The following NTM variants were observed in gnomAD, a reference collection of about 807,000 sequenced individuals.
NTM encodes the protein neurotrimin.
NTM carries 13 observed loss-of-function variants against 42.1 expected under a neutral mutation model. That is an observed-to-expected ratio of 0.31 (90% CI 0.20 to 0.49). The LOEUF is 0.49. Ranked by LOEUF, NTM falls within the 20% of genes least tolerant of loss-of-function variation. NTM has a pLI of 0.99. For synonymous variants in NTM, 187 were observed against 179.2 expected (o/e 1.04, Z -0.35); for missense variants, 373 against 452.8 (o/e 0.82, Z 1.60).
At position 132,296,341 on chromosome 11, in the gene NTM, TG is replaced by T. The variant is rs527596721; in HGVS notation, c.527-11345del. On this transcript the variant is annotated intron_variant, in intron 4 of 8. Transcript: ENST00000683400. ...GGAGGGGGTAGAAGTAGTAGAGGAG[TG>T]GGCCTTATGTGATGCTGTTATTTAG... is the stretch of plus-strand genomic sequence containing the variant. Among the ~76,000 whole-genome samples, 37 of 151,938 alleles carry T rather than the reference TG, an allele frequency of 2.4e-4. 2 individuals are homozygous for T. In the South Asian group the frequency reaches 5.2e-3, roughly 21 times the overall value.
chr11:131,422,306 AC>A (rs1162777789), intron 1 of NTM, among the ~76,000 whole-genome samples: 1 of 152,164 alleles, frequency 6.6e-6, no homozygotes, highest in Non-Finnish European at 1.5e-5. Flanking sequence ...ATTCTCCATC[AC>A]ACCCTTGCCG....
intron 2 of NTM, among the ~76,000 whole-genome samples, chr11:131,983,906 A>T (rs1470313556): frequency 6.6e-6 from 1 of 152,224 alleles, no homozygotes; most frequent in Non-Finnish European, 1.5e-5. Flanking sequence ...AAGAGGACAG[A>T]ATATAGAAGA....
chr11:132,115,610 T>C (rs1033260178), intron 2 of NTM, among the ~76,000 whole-genome samples: 2 of 152,184 alleles, frequency 1.3e-5, no homozygotes, highest in African/African-American at 4.8e-5. Context: ...TCAGCCGTAG[T>C]CTGGATGGTG....
At chr11:131,945,843 G>A (rs2060280921) in intron 2 of NTM, among the ~76,000 whole-genome samples, 2 of 152,152 alleles carry the variant, frequency 1.3e-5, no homozygotes, top group South Asian at 4.1e-4. Context: ...GGAGACACAA[G>A]TATTAAAATG....
At chr11:131,944,889 G>C (rs1362819807) in intron 2 of NTM, among the ~76,000 whole-genome samples, 1 of 152,128 alleles carries the variant, frequency 6.6e-6, no homozygotes, top group African/African-American at 2.4e-5. Context: ...GATTAGTTCA[G>C]TTTGGAATCA....
At position 131,782,074 on chromosome 11, in the gene NTM, A is replaced by C. The variant is rs568421325; in HGVS notation, c.83-129490A>C. Among the ~76,000 whole-genome samples the C allele has an allele frequency of 8.5e-5, 13 of 152,326 alleles. No homozygotes were observed. The South Asian group carries it at 2.7e-3, about 32-fold the overall frequency. ...TATTGAGCAAGTGGGACATTCAGTGAAGACAAAAGAAGGGTTATAATACAG... is the reference window on the plus strand; with the variant it reads ...TATTGAGCAAGTGGGACATTCAGTGCAGACAAAAGAAGGGTTATAATACAG... On this transcript the variant is annotated intron_variant, in intron 1 of 8. Transcript: ENST00000683400.
chr11:131,789,640 AAGAAG>A lies in NTM; in HGVS notation c.83-121922_83-121918del, dbSNP rs2090501476. ...AGAAGAAGAAGAAGAAGAAGAAAAG[AAGAAG>A]AAGAAGAAGAAGAAGAAGAAGAAAG... On this transcript the variant is annotated intron_variant, in intron 1 of 8. Coordinates refer to ENST00000683400, the MANE Select transcript of NTM (RefSeq NM_001352005.2). Among the ~76,000 whole-genome samples the A allele has an allele frequency of 1.0e-4, 12 of 117,422 alleles. 1 individual carries two copies. Among genetic ancestry groups the A allele is most frequent in the African/African-American group, 2.6e-4 (8 of 30,354 alleles). The allele number at this position is 117,422 out of a possible 152,430, so 77.0% of individuals were successfully genotyped here.
chr11:131,915,787 C>T (rs1462326545), intron 2 of NTM, among the ~76,000 whole-genome samples: 1 of 152,170 alleles, frequency 6.6e-6, no homozygotes, highest in African/African-American at 2.4e-5. Context: ...GGGGAAACCC[C>T]TTATAAAATC....
chr11:132,234,557 A>G (rs1359046286), intron 4 of NTM, among the ~76,000 whole-genome samples: 1 of 152,216 alleles, frequency 6.6e-6, no homozygotes, highest in Non-Finnish European at 1.5e-5. Context: ...GCCCTACTCA[A>G]TTTACTACAT....
rs142817071 is a variant in NTM at position 132,282,976 on chromosome 11, C to CTTT, written c.527-24690_527-24688dup. 2.0e-3 allele frequency among the ~76,000 whole-genome samples: 220 copies of CTTT among 108,934 alleles called. 5 individuals are homozygous for CTTT. The highest frequency in any genetic ancestry group is 7.7e-3 in the South Asian group (24 of 3,122). 71.5% of individuals were successfully genotyped at this position (108,934 alleles called of 152,430 possible). On this transcript the variant is annotated intron_variant, in intron 4 of 8. Coordinates refer to ENST00000683400, the MANE Select transcript of NTM (RefSeq NM_001352005.2). ...AATGAAACGGGAAATTCCTTTATTC[C>CTTT]TTTTTTTTTTTTTTTTTTTTTTTTT...
intron 1 of NTM, among the ~76,000 whole-genome samples, chr11:131,900,820 T>TA (rs1176896937): frequency 1.3e-5 from 2 of 152,244 alleles, no homozygotes; most frequent in African/African-American, 4.8e-5. Flanking sequence ...GGAGAATTTT[T>TA]ATGGAACAAT....
chr11:131,635,033 G>A (rs146741104), intron 1 of NTM, among the ~76,000 whole-genome samples: 231 of 152,228 alleles, frequency 1.5e-3, no homozygotes, highest in African/African-American at 5.2e-3. Context: ...CATATTCCAC[G>A]GTGATTTCCT....
intron 1 of NTM, among the ~76,000 whole-genome samples, chr11:131,748,028 C>A (rs1179182396): frequency 2.6e-5 from 4 of 152,192 alleles, no homozygotes; most frequent in African/African-American, 9.7e-5. Context: ...TCTTTCTTAG[C>A]AGAATCCATT....
chr11:131,406,880 A>G (rs1009873031), intron 1 of NTM, among the ~76,000 whole-genome samples: 2 of 152,228 alleles, frequency 1.3e-5, no homozygotes, highest in Non-Finnish European at 2.9e-5. Context: ...GGATAAATGT[A>G]CATGCATAAG....
At chr11:131,625,371 G>A (rs2062995854) in intron 1 of NTM, among the ~76,000 whole-genome samples, 1 of 152,156 alleles carries the variant, frequency 6.6e-6, no homozygotes, top group African/African-American at 2.4e-5. Context: ...GGAAGGAACA[G>A]GTGCCTTCGG....
At chr11:131,466,232 A>G (rs1424213918) in intron 1 of NTM, among the ~76,000 whole-genome samples, 2 of 152,234 alleles carry the variant, frequency 1.3e-5, no homozygotes, top group African/African-American at 4.8e-5. Flanking sequence ...GGGAAGACGG[A>G]GAAGGAGATG....
At chr11:132,058,041 T>C (rs1419743535) in intron 2 of NTM, among the ~76,000 whole-genome samples, 1 of 152,228 alleles carries the variant, frequency 6.6e-6, no homozygotes, top group Non-Finnish European at 1.5e-5. Flanking sequence ...AACCTACATA[T>C]ACAGTCCTAT....
chr11:131,823,032 A>C (rs1294634114), intron 1 of NTM, among the ~76,000 whole-genome samples: 1 of 152,028 alleles, frequency 6.6e-6, no homozygotes, highest in African/African-American at 2.4e-5. Context: ...TTTTATCTTT[A>C]ATGATGACAG....
chr11:131,979,476 G>T (rs759078673), intron 2 of NTM, among the ~76,000 whole-genome samples: 1 of 152,180 alleles, frequency 6.6e-6, no homozygotes, highest in South Asian at 2.1e-4. Flanking sequence ...TTCAAAAATT[G>T]GGCAAACCTC....
Sources: gnomAD v4.1 joint callset for allele counts (sites outside exome capture counted in the v4.1 genomes callset) on GRCh38, gnomAD v4.1.1 for gene constraint, MANE v1.5 for transcripts, NCBI Gene and HGNC (gene_info 2026-07-23, HGNC 2026-07-21) for gene names.